Variants in CHFR observed in about 807,000 individuals in gnomAD.
CHFR encodes the protein checkpoint with forkhead and ring finger domains.
CHFR carries 57 observed loss-of-function variants against 87.6 expected under a neutral mutation model. The observed-to-expected ratio is 0.65, with a 90% confidence interval of 0.53 to 0.81. The LOEUF (loss-of-function observed/expected upper bound fraction) is 0.81. Among genes scored for constraint, CHFR ranks in the 30% least tolerant of loss-of-function variants. The pLI, the probability that CHFR is intolerant of heterozygous loss-of-function variation, is 0.00. For synonymous variants in CHFR, 381 were observed against 359.2 expected, an observed-to-expected ratio of 1.06 and a Z score of -0.69; for missense variants, 797 against 865.8, an observed-to-expected ratio of 0.92 and a Z score of 1.00.
chr12:132,870,841 A>C, intron 4 of CHFR, 58 bp from the exon 5 acceptor site: 3 of 1,063,286 alleles, frequency 2.8e-6, no homozygotes, highest in South Asian at 1.3e-5. Context: ...CTGAGAACTC[A>C]TTTTTCTCTT....
chr12:132,842,859 A>T, intron 17 of CHFR, 152 bp downstream of exon 17: 8 of 686,650 alleles, frequency 1.2e-5, no homozygotes, highest in South Asian at 1.2e-4. Flanking sequence ...AAACGAAGGG[A>T]TAAAGGAAGA....
intron 13 of CHFR, 56 bp downstream of exon 13, chr12:132,848,585 T>G: frequency 7.3e-7 from 1 of 1,370,280 alleles, no homozygotes; most frequent in Non-Finnish European, 1.0e-6. Flanking sequence ...GCCCTCAAGT[T>G]CACCAAGAGA....
rs529301861 is a variant in CHFR at position 132,881,823 on chromosome 12, G to C, written c.134-4169C>G. 2.1e-5 allele frequency among the ~76,000 whole-genome samples: 3 copies of C among 145,636 alleles called. No homozygotes were observed. The Admixed American group carries it at 2.1e-4, about 10-fold the overall frequency. On this transcript the variant is annotated intron_variant, in intron 2 of 17. Transcript: ENST00000450056. ...GCGGAGGTTGCAGTGAGCTGAGATTGCGCCACTGCAAATCCAGCCTGGCGA... is the reference window on the plus strand; with the variant it reads ...GCGGAGGTTGCAGTGAGCTGAGATTCCGCCACTGCAAATCCAGCCTGGCGA...
intron 7 of CHFR, among the ~76,000 whole-genome samples, 172 bp downstream of exon 7, chr12:132,861,295 C>A (rs974719853): frequency 1.3e-5 from 2 of 152,208 alleles, no homozygotes; most frequent in Non-Finnish European, 2.9e-5. Flanking sequence ...CGCAAAAAAA[C>A]AGGCCCAGGT....
rs1053846225 is a variant in CHFR, at chr12:132,869,782, A to G, written c.420T>C (p.Gly140=). The stretch of plus-strand genomic sequence containing the variant: ...CCCGGGGATCGGCCCCTCGCCCTGC[A>G]CCTGCACCTGAGGTATCTTTGGTCC... ...TQESFDTSGA[G]AGRGADPRVP... Residue 140 remains glycine (G), a synonymous_variant, in exon 6 of 18, where the codon GGT becomes GGC. Coordinates refer to ENST00000450056, the MANE Select transcript of CHFR (RefSeq NM_001161346.2). 13 of 1,551,444 alleles carry G rather than the reference A, an allele frequency of 8.4e-6. No individual in the cohort carries two copies. Among genetic ancestry groups the G allele is most frequent in the South Asian group, 1.2e-5 (1 of 84,064 alleles).
intron 6 of CHFR, among the ~76,000 whole-genome samples, chr12:132,864,634 G>A (rs1951293136): frequency 2.0e-5 from 3 of 151,926 alleles, no homozygotes; most frequent in Non-Finnish European, 2.9e-5. Context: ...GATTACAGGC[G>A]CCCGCAACCA....
chr12:132,871,772 CA>C (rs879550148), intron 4 of CHFR: 2,207 of 142,084 alleles, frequency 0.016, 42 homozygotes, highest in African/African-American at 0.047. Context: ...AACTCTATCT[CA>C]AAAAAAAAAA....
chr12:132,843,509 T>C (rs1322379277), intron 16 of CHFR, among the ~76,000 whole-genome samples: 1 of 152,186 alleles, frequency 6.6e-6, no homozygotes, highest in Non-Finnish European at 1.5e-5. Context: ...TGGATGTCTT[T>C]ACAAATCTGT....
chr12:132,870,770 G>A lies in CHFR; in HGVS notation c.357C>T (p.Leu119=). 6.2e-7 allele frequency: 1 copy of A among 1,609,840 alleles called. No individual in the cohort carries two copies. Among genetic ancestry groups the A allele is most frequent in the South Asian group, 1.1e-5 (1 of 90,918 alleles). The change falls in exon 5 of 18, where the codon CTC becomes CTT. Residue 119 remains leucine (L), a synonymous_variant. Transcript: ENST00000450056. The stretch of plus-strand genomic sequence containing the variant: ...CTTGCTTTTCACTTAAAGATTCATA[G>A]AGGTATGCCACGTCTAAAAGAAAAT... The part of the protein sequence containing the change: ...KNEPEHNVAY[L]YESLSEKQGM...
At chr12:132,883,137 A>T (rs1951806619) in intron 2 of CHFR, 4 of 152,162 alleles carry the variant, frequency 2.6e-5, no homozygotes, top group African/African-American at 9.7e-5. Flanking sequence ...CTTAGAATAA[A>T]GAGCTCTTGG....
In CHFR at chr12:132,841,420, C is replaced by A. The variant is rs1010901456; in HGVS notation, c.*134G>T. 1.3e-6 allele frequency: 1 copy of A among 780,626 alleles called. No homozygotes were observed. Among genetic ancestry groups the A allele is most frequent in the Non-Finnish European group, 2.2e-6 (1 of 448,800 alleles). 48.4% of individuals were successfully genotyped at this position (780,626 alleles called of 1,614,324 possible). ...GTAAAGCTCCACAGAAGAGTCACCC[C>A]AGAGCACCTGTCGGAGACCCTGCGT... is the stretch of plus-strand genomic sequence containing the variant. On this transcript the variant is annotated 3_prime_UTR_variant, in exon 18 of 18. Transcript: ENST00000450056.
At chr12:132,876,225 G>A (rs1176840209) in intron 3 of CHFR, among the ~76,000 whole-genome samples, 3 of 151,956 alleles carry the variant, frequency 2.0e-5, no homozygotes, top group Admixed American at 1.3e-4. Context: ...AGTATGTGTA[G>A]TGTGATTGCA....
At chr12:132,863,411 CAGG>C (rs1951261691) in intron 6 of CHFR, among the ~76,000 whole-genome samples, 1 of 151,894 alleles carries the variant, frequency 6.6e-6, no homozygotes, top group Non-Finnish European at 1.5e-5. Flanking sequence ...GAGGCTGAGG[CAGG>C]AGAACTGCTT....
At chr12:132,875,689 A>C (rs1951615306) in intron 3 of CHFR, among the ~76,000 whole-genome samples, 1 of 152,258 alleles carries the variant, frequency 6.6e-6, no homozygotes, top group Non-Finnish European at 1.5e-5. Flanking sequence ...CTTCCGAGAA[A>C]TCATCCCAAG....
rs186871527 is a variant in CHFR at position 132,858,215 on chromosome 12, C to T, written c.912-656G>A. 1.3e-4 allele frequency among the ~76,000 whole-genome samples: 20 copies of T among 152,152 alleles called. No individual in the cohort carries two copies. In the East Asian group the frequency reaches 3.9e-3, roughly 29 times the overall value. Reference sequence around the variant, plus strand: ...TCTACTAAAAATACAAAAAAATTAGCCAGATGTGGTGACGCATGCCTGTAG... The same window carrying T: ...TCTACTAAAAATACAAAAAAATTAGTCAGATGTGGTGACGCATGCCTGTAG... On this transcript the variant is annotated intron_variant, in intron 8 of 17. Coordinates refer to ENST00000450056, the MANE Select transcript of CHFR (RefSeq NM_001161346.2).
chr12:132,862,650 G>A (rs1951240765), intron 6 of CHFR, among the ~76,000 whole-genome samples: 1 of 152,024 alleles, frequency 6.6e-6, no homozygotes, highest in Non-Finnish European at 1.5e-5. Flanking sequence ...GAGTGCAGTG[G>A]CTCACTGCAA....
At chr12:132,858,083 G>A (rs764890493) in intron 8 of CHFR, among the ~76,000 whole-genome samples, 23 of 152,188 alleles carry the variant, frequency 1.5e-4, no homozygotes, top group African/African-American at 3.6e-4. Flanking sequence ...GTAGCCATGC[G>A]GGGTGGCTCA....
At chr12:132,848,024 A>C in intron 14 of CHFR, 61 bp downstream of exon 14, 1 of 1,612,620 alleles carries the variant, frequency 6.2e-7, no homozygotes, top group Non-Finnish European at 8.5e-7. Flanking sequence ...GCAGAGAACC[A>C]GCTGGCTGCA....
rs200573883 is a variant in CHFR, at chr12:132,865,651, GTC to G, written c.583+3966_583+3967del. Among the ~76,000 whole-genome samples the G allele has an allele frequency of 3.9e-4, 50 of 127,088 alleles. 3 individuals carry two copies. The highest frequency in any genetic ancestry group is 2.4e-3 in the East Asian group (9 of 3,688). The allele number at this position is 127,088 out of a possible 152,430, so 83.4% of individuals were successfully genotyped here. Reference sequence around the variant, plus strand: ...GCTTCCCAAAGTGCTGGGATTACAGGTCTTTTTTTTTTTTTTTTTTTTTTTTG... The same window carrying G: ...GCTTCCCAAAGTGCTGGGATTACAGGTTTTTTTTTTTTTTTTTTTTTTTTG... On this transcript the variant is annotated intron_variant, in intron 6 of 17. Coordinates refer to ENST00000450056, the MANE Select transcript of CHFR (RefSeq NM_001161346.2).
Sources: allele counts gnomAD v4.1 joint callset (sites outside exome capture counted in the v4.1 genomes callset), GRCh38; gene constraint gnomAD v4.1.1; transcripts MANE v1.5; gene names NCBI Gene and HGNC (gene_info 2026-07-23, HGNC 2026-07-21).